The following LTBP1 variants were observed in gnomAD, a reference collection of about 807,000 sequenced individuals.
LTBP1 encodes latent transforming growth factor beta binding protein 1, also known as latent-transforming growth factor beta-binding protein 1.
A neutral mutation model predicts 207.6 loss-of-function variants in LTBP1; 129 were observed. The ratio of observed to expected loss-of-function variants is 0.62; its 90% confidence interval spans 0.54 to 0.72. The LOEUF (loss-of-function observed/expected upper bound fraction) is 0.72. LTBP1 is among the 30% of genes least tolerant of loss of function. The pLI, the probability that LTBP1 is intolerant of heterozygous loss-of-function variation, is 0.00. For missense variants in LTBP1, 2,281 were observed against 2,217.2 expected, an observed-to-expected ratio of 1.03 and a Z score of -0.58; for synonymous variants, 963 against 833.7, an observed-to-expected ratio of 1.16 and a Z score of -2.67.
chr2:33,290,528 C>T (rs927004094), intron 19 of LTBP1, among the ~76,000 whole-genome samples: 7 of 152,166 alleles, frequency 4.6e-5, no homozygotes, highest in Non-Finnish European at 8.8e-5. Flanking sequence ...AAAGTTTATT[C>T]TGTCTGCAAG....
chr2:33,145,435 A>G (rs79979829), intron 5 of LTBP1, among the ~76,000 whole-genome samples: 2,433 of 152,306 alleles, frequency 0.016, 25 homozygotes, highest in East Asian at 0.029. Flanking sequence ...AGAAGAGGTA[A>G]AAGGAAAACT....
At position 32,974,015 on chromosome 2, in the gene LTBP1, T is replaced by G. The variant is rs116579414; in HGVS notation, c.565+25070T>G. 6.8e-4 allele frequency among the ~76,000 whole-genome samples: 104 copies of G among 152,308 alleles called. 1 individual carries two copies. Among genetic ancestry groups the G allele is most frequent in the Non-Finnish European group, 8.4e-4 (57 of 68,016 alleles). ...CCATTCATCTGTTGATGGACACTTA[T>G]GTTGCTTCCAAATGTTAGCTATTGT... On this transcript the variant is annotated intron_variant, in intron 2 of 33. Transcript: ENST00000404816.
chr2:33,265,616 A>C (rs913546835), intron 15 of LTBP1, among the ~76,000 whole-genome samples: 1 of 152,210 alleles, frequency 6.6e-6, no homozygotes. Context: ...AATGATATAG[A>C]GTATTATACC....
At chr2:32,960,522 C>A (rs1437721292) in intron 2 of LTBP1, among the ~76,000 whole-genome samples, 1 of 152,118 alleles carries the variant, frequency 6.6e-6, no homozygotes, top group Admixed American at 6.5e-5. Context: ...TTTCTCCCTG[C>A]CAATTTTAGA....
chr2:33,315,457 C>T (rs1314185192), intron 24 of LTBP1, among the ~76,000 whole-genome samples, 188 bp downstream of exon 24: 1 of 152,042 alleles, frequency 6.6e-6, no homozygotes. Flanking sequence ...AAGAGGATAA[C>T]CTAAGGTTAT....
At chr2:33,235,453 T>C (rs944046823) in intron 9 of LTBP1, among the ~76,000 whole-genome samples, 16 of 152,202 alleles carry the variant, frequency 1.1e-4, no homozygotes, top group African/African-American at 3.9e-4. Flanking sequence ...ACACTGTTGG[T>C]GGGAGTGTAA....
chr2:33,313,886 A>G (rs146406820), intron 23 of LTBP1, among the ~76,000 whole-genome samples: 23 of 152,316 alleles, frequency 1.5e-4, no homozygotes, highest in African/African-American at 5.1e-4. Flanking sequence ...ACCAACAATT[A>G]GGCAGTTGCA....
chr2:33,158,953 A>G (rs767282560), intron 5 of LTBP1, among the ~76,000 whole-genome samples: 5 of 152,200 alleles, frequency 3.3e-5, no homozygotes, highest in Non-Finnish European at 7.3e-5. Flanking sequence ...GCACAGTATA[A>G]CCATGCAATA....
chr2:33,129,806 C>T (rs1320185711), intron 4 of LTBP1, among the ~76,000 whole-genome samples: 1 of 152,044 alleles, frequency 6.6e-6, no homozygotes, highest in African/African-American at 2.4e-5. Context: ...TTCTCTCTGC[C>T]TCTTTCTTTA....
intron 24 of LTBP1, among the ~76,000 whole-genome samples, chr2:33,336,131 A>T (rs1333494390): frequency 6.6e-6 from 1 of 152,232 alleles, no homozygotes; most frequent in Non-Finnish European, 1.5e-5. Flanking sequence ...GAGATGCCTA[A>T]GTCTTATTTA....
At chr2:33,185,331 A>G (rs6728561) in intron 5 of LTBP1, among the ~76,000 whole-genome samples, 11,866 of 152,186 alleles carry the variant, frequency 0.078, 982 homozygotes, top group African/African-American at 0.21. Flanking sequence ...TGTTTCTTAA[A>G]GATCGCTTGG....
At chr2:33,274,607 G>A (rs111846868) in intron 16 of LTBP1, among the ~76,000 whole-genome samples, 13 of 152,278 alleles carry the variant, frequency 8.5e-5, no homozygotes, top group South Asian at 2.1e-4. Flanking sequence ...CCACATGCAC[G>A]GAGGAAGAGT....
intron 1 of LTBP1, 131 bp downstream of exon 1, chr2:32,947,949 T>G: frequency 7.0e-6 from 5 of 711,930 alleles, no homozygotes; most frequent in Middle Eastern, 4.7e-4. Flanking sequence ...GGCTTTCTCC[T>G]CCCGCCTCCG....
chr2:33,040,057 T>C (rs1248098617), intron 3 of LTBP1, among the ~76,000 whole-genome samples: 2 of 151,994 alleles, frequency 1.3e-5, no homozygotes, highest in Non-Finnish European at 2.9e-5. Context: ...TGGGGAAGGC[T>C]AGGTAGAGTA....
At chr2:33,065,246 C>T (rs1360816009) in intron 3 of LTBP1, among the ~76,000 whole-genome samples, 1 of 152,094 alleles carries the variant, frequency 6.6e-6, no homozygotes, top group East Asian at 1.9e-4. Flanking sequence ...TTAAACCAAC[C>T]TTGCATTACT....
At chr2:32,991,272 TG>T in intron 2 of LTBP1, among the ~76,000 whole-genome samples, 1 of 152,336 alleles carries the variant, frequency 6.6e-6, no homozygotes, top group African/African-American at 2.4e-5. Flanking sequence ...GGATCTTAGG[TG>T]GCCAGAATTG....
At chr2:33,282,297 T>C (rs2093574652) in intron 19 of LTBP1, among the ~76,000 whole-genome samples, 1 of 152,134 alleles carries the variant, frequency 6.6e-6, no homozygotes, top group South Asian at 2.1e-4. Context: ...CTTTCTGCTT[T>C]GGGTAAAATT....
At chr2:33,180,603 C>T (rs2086522131) in intron 5 of LTBP1, among the ~76,000 whole-genome samples, 1 of 151,944 alleles carries the variant, frequency 6.6e-6, no homozygotes, top group East Asian at 1.9e-4. Flanking sequence ...AGGTACATGC[C>T]ACCATGTCTG....
At chr2:33,198,367 G>A (rs1217753101) in intron 7 of LTBP1, among the ~76,000 whole-genome samples, 1 of 152,050 alleles carries the variant, frequency 6.6e-6, no homozygotes, top group Non-Finnish European at 1.5e-5. Context: ...CTCTTTTTTG[G>A]TTGTGTCTCT....
Sources: gnomAD v4.1 joint callset for allele counts (sites outside exome capture counted in the v4.1 genomes callset) on GRCh38, gnomAD v4.1.1 for gene constraint, MANE v1.5 for transcripts, NCBI Gene and HGNC (gene_info 2026-07-23, HGNC 2026-07-21) for gene names.